LYPLA1: variants seen among roughly 807,000 people sequenced by gnomAD.
LYPLA1 encodes the protein acyl-protein thioesterase 1.
Under a neutral mutation model 34.0 loss-of-function variants are expected in LYPLA1, and 17 were observed. The ratio of observed to expected loss-of-function variants is 0.50; its 90% CI spans 0.34 to 0.75. The LOEUF is 0.75. Among genes scored for constraint, LYPLA1 ranks in the 30% least tolerant of loss-of-function variants. The pLI is 0.01. For missense variants in LYPLA1, 203 were observed against 288.8 expected, an observed-to-expected ratio of 0.70 and a Z score of 2.15; for synonymous variants, 98 against 100.8, an observed-to-expected ratio of 0.97 and a Z score of 0.17.
chr8:54,087,888 A>C (rs1047257541), intron 2 of LYPLA1, among the ~76,000 whole-genome samples: 3 of 152,240 alleles, frequency 2.0e-5, no homozygotes, highest in Non-Finnish European at 4.4e-5. Flanking sequence ...AGTACACCGA[A>C]CAAAGGAGAC....
intron 5 of LYPLA1, among the ~76,000 whole-genome samples, chr8:54,061,679 G>A (rs909372945): frequency 6.6e-5 from 10 of 152,102 alleles, no homozygotes; most frequent in Admixed American, 2.0e-4. Flanking sequence ...CTACTCAGGA[G>A]GATGAGGTGG....
At chr8:54,049,129 A>G (rs1805671306) in intron 8 of LYPLA1, among the ~76,000 whole-genome samples, 1 of 152,060 alleles carries the variant, frequency 6.6e-6, no homozygotes, top group Non-Finnish European at 1.5e-5. Context: ...GTTCCCAGGC[A>G]CCCTTGTCTT....
chr8:54,079,478 T>A (rs2129348400), intron 2 of LYPLA1, among the ~76,000 whole-genome samples: 1 of 152,254 alleles, frequency 6.6e-6, no homozygotes, highest in African/African-American at 2.4e-5. Flanking sequence ...CACAGAGCCT[T>A]GACCAGCAAA....
chr8:54,079,524 T>C (rs1194457533), intron 2 of LYPLA1, among the ~76,000 whole-genome samples: 2 of 152,128 alleles, frequency 1.3e-5, no homozygotes, highest in Admixed American at 1.3e-4. Flanking sequence ...AAAACTAGAC[T>C]GGGTGCAGTG....
intron 5 of LYPLA1, among the ~76,000 whole-genome samples, chr8:54,056,626 T>A (rs1199859362): frequency 1.3e-5 from 2 of 152,076 alleles, no homozygotes; most frequent in Non-Finnish European, 2.9e-5. Context: ...GATCAAAAAA[T>A]GGGCCAGGCC....
intron 5 of LYPLA1, among the ~76,000 whole-genome samples, chr8:54,059,297 C>CTTTTTT: frequency 6.8e-5 from 8 of 117,256 alleles, no homozygotes; most frequent in African/African-American, 4.3e-4. Flanking sequence ...TGTATTTTCC[C>CTTTTTT]TGTTTTTTTT....
At chr8:54,054,663 A>G (rs1686190433) in intron 6 of LYPLA1, 2 of 156,716 alleles carry the variant, frequency 1.3e-5, no homozygotes, top group African/African-American at 4.8e-5. Flanking sequence ...GTACAGAGAC[A>G]AAGAAAAATG....
intron 8 of LYPLA1, among the ~76,000 whole-genome samples, chr8:54,048,517 A>G (rs1182573894): frequency 6.6e-6 from 1 of 152,226 alleles, no homozygotes; most frequent in African/African-American, 2.4e-5. Context: ...AATCCATAGC[A>G]TTAACTATGC....
intron 2 of LYPLA1, among the ~76,000 whole-genome samples, chr8:54,066,502 C>T (rs992689728): frequency 2.0e-5 from 3 of 152,002 alleles, no homozygotes; most frequent in East Asian, 1.9e-4. Flanking sequence ...AAGCCTTGGC[C>T]GGGTGCAGTG....
downstream of LYPLA1, chr8:54,045,652 G>A (rs1805457928): frequency 6.6e-6 from 1 of 152,136 alleles, no homozygotes; most frequent in Non-Finnish European, 1.5e-5. Context: ...CTGCTTAACA[G>A]GACAGAAGGA....
intron 2 of LYPLA1, chr8:54,073,583 A>G: frequency 1.8e-6 from 1 of 560,336 alleles, no homozygotes; most frequent in Non-Finnish European, 3.2e-6. Context: ...ACACTGACCT[A>G]TTTACAGAAG....
intron 2 of LYPLA1, among the ~76,000 whole-genome samples, chr8:54,099,697 T>A (rs2129375898): frequency 6.6e-6 from 1 of 152,190 alleles, no homozygotes; most frequent in Non-Finnish European, 1.5e-5. Context: ...AATGGCATTT[T>A]TTTTTTTTTT....
At chr8:54,070,408 T>A (rs1322727309) in intron 2 of LYPLA1, among the ~76,000 whole-genome samples, 4 of 152,100 alleles carry the variant, frequency 2.6e-5, no homozygotes, top group African/African-American at 9.7e-5. Context: ...ACAACCCAAA[T>A]GTCCATCAAA....
At chr8:54,092,066 T>C (rs1809320415) in intron 2 of LYPLA1, among the ~76,000 whole-genome samples, 1 of 150,488 alleles carries the variant, frequency 6.6e-6, no homozygotes, top group Non-Finnish European at 1.5e-5. Flanking sequence ...TGAGAGACCC[T>C]GTCGAAGCAA....
chr8:54,073,569 ATC>A, intron 2 of LYPLA1: 2 of 603,142 alleles, frequency 3.3e-6, no homozygotes, highest in Non-Finnish European at 6.0e-6. Flanking sequence ...GTTACTATTA[ATC>A]GACACTGACC....
chr8:54,099,593 T>C (rs1396780958), intron 2 of LYPLA1, among the ~76,000 whole-genome samples: 1 of 151,974 alleles, frequency 6.6e-6, no homozygotes, highest in Non-Finnish European at 1.5e-5. Context: ...ACCCAGAAGG[T>C]GGAGGTTGCA....
In LYPLA1 at chr8:54,101,933, C is replaced by T. The variant is rs1267682862; in HGVS notation, c.-110G>A. 4 of 482,672 alleles carry T rather than the reference C, an allele frequency of 8.3e-6. No individual in the cohort carries two copies. The South Asian group carries it at 3.7e-4, about 44-fold the overall frequency. The allele number at this position is 482,672 out of a possible 1,614,324, so 29.9% of individuals were successfully genotyped here. ...CGGCCCCACCGGGCGCACGCTCAGG[C>T]GCGTGCGCGCCAACGCGGCCCCGCG... On this transcript the variant is annotated 5_prime_UTR_variant, in exon 1 of 9. Coordinates refer to ENST00000316963, the MANE Select transcript of LYPLA1 (RefSeq NM_006330.4).
At chr8:54,046,102 A>G (rs1314809749), downstream of LYPLA1, among the ~76,000 whole-genome samples, 2 of 152,134 alleles carry the variant, frequency 1.3e-5, no homozygotes, top group African/African-American at 4.8e-5. Flanking sequence ...AAGAGTTAAG[A>G]AAAAGACAAA....
At chr8:54,050,559 T>C (rs1278402192) in intron 8 of LYPLA1, among the ~76,000 whole-genome samples, 1 of 152,202 alleles carries the variant, frequency 6.6e-6, no homozygotes, top group Admixed American at 6.5e-5. Context: ...CTCTGCACAT[T>C]TGCTATCCAA....
Sources: allele counts gnomAD v4.1 joint callset (sites outside exome capture counted in the v4.1 genomes callset), GRCh38; gene constraint gnomAD v4.1.1; transcripts MANE v1.5; gene names NCBI Gene and HGNC (gene_info 2026-07-23, HGNC 2026-07-21).